The following KIAA1958 variants were observed in gnomAD, a reference collection of about 807,000 sequenced individuals.
KIAA1958 encodes KIAA1958, also known as uncharacterized protein KIAA1958.
Under a neutral mutation model 47.2 loss-of-function variants are expected in KIAA1958, and 14 were observed. The observed-to-expected ratio is 0.30, with a 90% CI of 0.20 to 0.46. The LOEUF is 0.46. KIAA1958 is among the 20% of genes least tolerant of loss of function. The probability of loss-of-function intolerance (pLI) is 1.00; values close to 1 mark genes in which losing one functional copy is unlikely to be tolerated. For synonymous variants in KIAA1958, 354 were observed against 353.3 expected (o/e 1.00, Z -0.02); for missense variants, 803 against 909.2 (o/e 0.88, Z 1.50).
intron 2 of KIAA1958, among the ~76,000 whole-genome samples, chr9:112,594,367 A>G (rs1223406838): frequency 1.3e-5 from 2 of 152,210 alleles, no homozygotes; most frequent in African/African-American, 4.8e-5. Flanking sequence ...TGCCATCAGC[A>G]CTGTGTAATT....
chr9:112,490,141 C>G (rs1054861934), intron 1 of KIAA1958, among the ~76,000 whole-genome samples: 1 of 152,106 alleles, frequency 6.6e-6, no homozygotes, highest in Non-Finnish European at 1.5e-5. Flanking sequence ...AGATTTCATT[C>G]TTGGATTAAT....
intron 2 of KIAA1958, among the ~76,000 whole-genome samples, chr9:112,619,462 TTC>T (rs1199019918): frequency 6.6e-6 from 1 of 152,242 alleles, no homozygotes; most frequent in Non-Finnish European, 1.5e-5. Context: ...TATTTACATC[TTC>T]TCTTTTTTAA....
chr9:112,535,275 C>T (rs928619856), intron 1 of KIAA1958, among the ~76,000 whole-genome samples: 3 of 152,158 alleles, frequency 2.0e-5, no homozygotes, highest in African/African-American at 7.2e-5. Flanking sequence ...AACCACTGTT[C>T]CACTTTCTGC....
At chr9:112,573,027 G>A (rs1835566254) in intron 1 of KIAA1958, among the ~76,000 whole-genome samples, 1 of 152,072 alleles carries the variant, frequency 6.6e-6, no homozygotes, top group Admixed American at 6.5e-5. Flanking sequence ...AAAGATTCCT[G>A]TGCCTCCCTG....
At chr9:112,569,537 G>A (rs747563424) in intron 1 of KIAA1958, among the ~76,000 whole-genome samples, 1 of 152,016 alleles carries the variant, frequency 6.6e-6, no homozygotes, top group Admixed American at 6.6e-5. Context: ...TAGCCAATCA[G>A]CTCATCTGAA....
chr9:112,502,984 C>T (rs1162649797), intron 1 of KIAA1958, among the ~76,000 whole-genome samples: 1 of 152,106 alleles, frequency 6.6e-6, no homozygotes, highest in African/African-American at 2.4e-5. Context: ...TGGGTATTCA[C>T]CATGTGTTAG....
intron 3 of KIAA1958, among the ~76,000 whole-genome samples, chr9:112,653,124 G>T (rs1408947434): frequency 6.6e-6 from 1 of 152,168 alleles, no homozygotes; most frequent in African/African-American, 2.4e-5. Flanking sequence ...CCATATGAAA[G>T]AATAACTTTG....
chr9:112,571,827 TAAAAATA>T (rs755026438), intron 1 of KIAA1958, among the ~76,000 whole-genome samples: 9 of 132,138 alleles, frequency 6.8e-5, no homozygotes, highest in Non-Finnish European at 1.3e-4. Context: ...AAAATAAAAA[TAAAAATA>T]AAAAATAAAA....
At chr9:112,562,420 C>G (rs1030661882) in intron 1 of KIAA1958, among the ~76,000 whole-genome samples, 2 of 152,154 alleles carry the variant, frequency 1.3e-5, no homozygotes, top group East Asian at 1.9e-4. Context: ...AGTCCAGGCT[C>G]TTCACCCCTG....
At chr9:112,562,258 AT>A (rs1835345628) in intron 1 of KIAA1958, among the ~76,000 whole-genome samples, 1 of 152,234 alleles carries the variant, frequency 6.6e-6, no homozygotes, top group African/African-American at 2.4e-5. Flanking sequence ...ATATAAATTC[AT>A]TTAATTCTCA....
intron 2 of KIAA1958, among the ~76,000 whole-genome samples, chr9:112,625,789 G>C (rs1417231008): frequency 6.6e-6 from 1 of 151,900 alleles, no homozygotes; most frequent in Non-Finnish European, 1.5e-5. Context: ...TTTCTTTTTG[G>C]AGTTTGATAG....
intron 1 of KIAA1958, among the ~76,000 whole-genome samples, chr9:112,553,387 C>G (rs1171420929): frequency 6.6e-6 from 1 of 152,012 alleles, no homozygotes; most frequent in East Asian, 1.9e-4. Flanking sequence ...GTTGCCCAGG[C>G]TGGTCTTGAT....
intron 1 of KIAA1958, among the ~76,000 whole-genome samples, chr9:112,489,849 A>G (rs1367379585): frequency 1.3e-5 from 2 of 152,256 alleles, no homozygotes; most frequent in Middle Eastern, 3.2e-3. Flanking sequence ...TTATCAATGT[A>G]GTATCATTAC....
intron 2 of KIAA1958, among the ~76,000 whole-genome samples, chr9:112,586,469 T>C (rs1189329278): frequency 6.6e-6 from 1 of 152,232 alleles, no homozygotes; most frequent in Non-Finnish European, 1.5e-5. Flanking sequence ...TACAAATGCA[T>C]AATTTTCTGA....
At position 112,655,039 on chromosome 9, in the gene KIAA1958, C is replaced by G. The variant is rs147492391; in HGVS notation, c.1345-4224C>G. The stretch of plus-strand genomic sequence containing the variant: ...TTCAGTAAGCTCTTCCTGTTCCTGA[C>G]TTTATAAGAAAGATTTGAATATTTT... On this transcript the variant is annotated intron_variant, in intron 3 of 3. Transcript: ENST00000337530. 2.4e-3 allele frequency among the ~76,000 whole-genome samples: 366 copies of G among 152,222 alleles called. 1 individual carries two copies. Among genetic ancestry groups the G allele is most frequent in the Admixed American group, 4.8e-3 (74 of 15,272 alleles).
chr9:112,515,560 G>A (rs1360036371), intron 1 of KIAA1958, among the ~76,000 whole-genome samples: 1 of 92,796 alleles, frequency 1.1e-5, no homozygotes, highest in Non-Finnish European at 2.2e-5. Context: ...CTCTGCCTTG[G>A]GATCCTGTTG....
In KIAA1958 at chr9:112,662,757, A is replaced by C. The variant is rs1329120261; in HGVS notation, c.*2688A>C. 1 of 152,518 alleles carries C rather than the reference A, an allele frequency of 6.6e-6. No individual in the cohort carries two copies. Among genetic ancestry groups the C allele is most frequent in the Non-Finnish European group, 1.5e-5 (1 of 68,282 alleles). The allele number at this position is 152,518 out of a possible 1,614,324, so 9.4% of individuals were successfully genotyped here. A position where few individuals can be genotyped will look rare whatever the true frequency, so the allele number is the denominator to read the frequency against. ...CAGTGAGCCGAGACCATGCCACTGC[A>C]CTCCAGCCTGGGCAACAAAGCTAGA... On this transcript the variant is annotated 3_prime_UTR_variant, in exon 4 of 4. Coordinates refer to ENST00000337530, the MANE Select transcript of KIAA1958 (RefSeq NM_133465.4).
In KIAA1958 at chr9:112,662,890, G is replaced by A. The variant is rs1412863021; in HGVS notation, c.*2821G>A. On this transcript the variant is annotated 3_prime_UTR_variant, in exon 4 of 4. Coordinates refer to ENST00000337530, the MANE Select transcript of KIAA1958 (RefSeq NM_133465.4). ...GGGGCCAGAGTAGCAGTCCTCGTTGGCGTTCTAAGGCAGTTGTTCTGGCTT... is the reference window on the plus strand; with the variant it reads ...GGGGCCAGAGTAGCAGTCCTCGTTGACGTTCTAAGGCAGTTGTTCTGGCTT... 2 of 152,232 alleles carry A rather than the reference G, an allele frequency of 1.3e-5. No homozygotes were observed. Among genetic ancestry groups the A allele is most frequent in the Non-Finnish European group, 2.9e-5 (2 of 68,080 alleles). 9.4% of individuals were successfully genotyped at this position (152,232 alleles called of 1,614,324 possible). A position where few individuals can be genotyped will look rare whatever the true frequency, so the allele number is the denominator to read the frequency against.
Position 112,581,216 on chromosome 9 carries a change from G to T in KIAA1958, c.1171+5965G>T, listed in dbSNP as rs140841042. ...TGTAAAGTAATGATAATGTCTGCCT[G>T]TCAGGGTTATTGTGAGGACCAAATG... On this transcript the variant is annotated intron_variant, in intron 2 of 3. Coordinates refer to ENST00000337530, the MANE Select transcript of KIAA1958 (RefSeq NM_133465.4). Among the ~76,000 whole-genome samples, 126 of 152,270 alleles carry T rather than the reference G, an allele frequency of 8.3e-4. 1 individual carries two copies. The highest frequency in any genetic ancestry group is 2.9e-3 in the African/African-American group (122 of 41,556).
Sources: allele counts gnomAD v4.1 joint callset (sites outside exome capture counted in the v4.1 genomes callset), GRCh38; gene constraint gnomAD v4.1.1; transcripts MANE v1.5; gene names NCBI Gene and HGNC (gene_info 2026-07-23, HGNC 2026-07-21).